CNTN5: variants seen among roughly 807,000 people sequenced by gnomAD.
CNTN5 encodes the protein contactin-5.
A neutral mutation model predicts 129.1 loss-of-function variants in CNTN5; 77 were observed. That is an observed-to-expected ratio of 0.60 (90% CI 0.50 to 0.72). The LOEUF (loss-of-function observed/expected upper bound fraction) is 0.72. Ranked by LOEUF, CNTN5 falls within the 30% of genes least tolerant of loss-of-function variation. The pLI is 0.00. For missense variants in CNTN5, 1,478 were observed against 1,328.8 expected, an observed-to-expected ratio of 1.11 and a Z score of -1.75; for synonymous variants, 509 against 465.6, an observed-to-expected ratio of 1.09 and a Z score of -1.20.
intron 23 of CNTN5, 126 bp downstream of exon 23, chr11:100,341,331 G>C: frequency 1.4e-6 from 1 of 690,396 alleles, no homozygotes; most frequent in Non-Finnish European, 2.5e-6. Flanking sequence ...TTTTCTATCT[G>C]TATCTTAGAA....
intron 3 of CNTN5, among the ~76,000 whole-genome samples, chr11:99,715,341 T>C (rs181678684): frequency 3.3e-5 from 5 of 151,744 alleles, no homozygotes; most frequent in Non-Finnish European, 7.4e-5. Context: ...ACAGAGGCAA[T>C]GGTGAGGCCA....
intron 3 of CNTN5, among the ~76,000 whole-genome samples, chr11:99,776,736 C>T (rs553137691): frequency 7.3e-5 from 11 of 151,164 alleles, no homozygotes; most frequent in African/African-American, 1.5e-4. Context: ...ATGTGGAACA[C>T]GCTTTATTAC....
intron 3 of CNTN5, among the ~76,000 whole-genome samples, chr11:99,620,317 T>C: frequency 6.6e-6 from 1 of 151,044 alleles, no homozygotes; most frequent in East Asian, 2.0e-4. Flanking sequence ...CTCGTCTTTA[T>C]CTCTAAATGT....
chr11:99,552,272 A>C (rs1591267004), intron 2 of CNTN5, among the ~76,000 whole-genome samples: 1 of 147,038 alleles, frequency 6.8e-6, no homozygotes, highest in East Asian at 2.1e-4. Flanking sequence ...ACTTCAGTTT[A>C]TTCAATAATT....
intron 1 of CNTN5, among the ~76,000 whole-genome samples, chr11:99,286,040 G>GAAAAA (rs1555101324): frequency 3.2e-5 from 3 of 93,016 alleles, no homozygotes; most frequent in Middle Eastern, 6.0e-3. Flanking sequence ...TCCATCTGGA[G>GAAAAA]AAAAAAAAAA....
intron 2 of CNTN5, among the ~76,000 whole-genome samples, chr11:99,477,636 A>G (rs892896089): frequency 1.3e-5 from 2 of 151,946 alleles, no homozygotes; most frequent in African/African-American, 4.8e-5. Context: ...TTTAACAAAA[A>G]TAAAAATAAT....
chr11:99,854,812 A>G (rs1947982193), intron 6 of CNTN5, among the ~76,000 whole-genome samples: 1 of 152,186 alleles, frequency 6.6e-6, no homozygotes, highest in Non-Finnish European at 1.5e-5. Flanking sequence ...ATGTTTCACC[A>G]ACGACAATTT....
chr11:99,969,013 G>A (rs569928696), intron 8 of CNTN5, among the ~76,000 whole-genome samples: 4 of 152,024 alleles, frequency 2.6e-5, no homozygotes, highest in African/African-American at 7.2e-5. Context: ...AATTTTGGAC[G>A]ATTTTTGAAT....
At chr11:99,625,926 A>G (rs1192835046) in intron 3 of CNTN5, among the ~76,000 whole-genome samples, 1 of 9,006 alleles carries the variant, frequency 1.1e-4, no homozygotes, top group Non-Finnish European at 2.8e-4. Flanking sequence ...ATATATATAC[A>G]CACACACACA....
At chr11:99,437,020 A>C (rs552409773) in intron 2 of CNTN5, among the ~76,000 whole-genome samples, 30 of 152,278 alleles carry the variant, frequency 2.0e-4, no homozygotes, top group African/African-American at 6.5e-4. Context: ...CCAACTGTCT[A>C]TGTCCAGCTT....
chr11:99,199,246 A>T (rs1859049989), intron 1 of CNTN5, among the ~76,000 whole-genome samples: 1 of 152,188 alleles, frequency 6.6e-6, no homozygotes, highest in African/African-American at 2.4e-5. Flanking sequence ...ACAAAAGACA[A>T]ATGCGACTCA....
intron 2 of CNTN5, among the ~76,000 whole-genome samples, chr11:99,368,481 TA>T (rs561296203): frequency 1.3e-3 from 182 of 143,152 alleles, no homozygotes; most frequent in Middle Eastern, 7.2e-3. Flanking sequence ...TGTCTTAAAT[TA>T]AAAAAAAAAA....
chr11:100,047,687 A>T (rs942782059), intron 9 of CNTN5, among the ~76,000 whole-genome samples: 3 of 152,222 alleles, frequency 2.0e-5, no homozygotes, highest in African/African-American at 7.2e-5. Flanking sequence ...GGATACCCAG[A>T]TAGCTTATAA....
intron 13 of CNTN5, among the ~76,000 whole-genome samples, chr11:100,164,032 GT>G (rs570872056): frequency 7.2e-5 from 11 of 151,794 alleles, no homozygotes; most frequent in Non-Finnish European, 1.3e-4. Context: ...ACAAAGGTGA[GT>G]TTGAAAGATT....
At chr11:99,909,361 T>C (rs2135983951) in intron 6 of CNTN5, among the ~76,000 whole-genome samples, 1 of 152,248 alleles carries the variant, frequency 6.6e-6, no homozygotes, top group African/African-American at 2.4e-5. Context: ...ACACTGTTGG[T>C]GGGACTGTAA....
chr11:99,926,858 C>G (rs961305413), intron 7 of CNTN5, among the ~76,000 whole-genome samples: 48 of 151,906 alleles, frequency 3.2e-4, no homozygotes, highest in African/African-American at 1.2e-3. Flanking sequence ...CCAAATGTGT[C>G]TTTGTTAAAT....
chr11:99,079,164 C>T (rs539587552), intron 1 of CNTN5, among the ~76,000 whole-genome samples: 16 of 152,026 alleles, frequency 1.1e-4, no homozygotes, highest in African/African-American at 3.9e-4. Flanking sequence ...GGCAAATTTC[C>T]ATTTGGATAA....
At chr11:100,093,533 C>G (rs925768126) in intron 13 of CNTN5, among the ~76,000 whole-genome samples, 2 of 152,044 alleles carry the variant, frequency 1.3e-5, no homozygotes, top group Non-Finnish European at 2.9e-5. Context: ...TCCCAAAGTT[C>G]TGGGATTTCA....
chr11:99,842,078 A>G (rs942507851), intron 4 of CNTN5, among the ~76,000 whole-genome samples: 6 of 151,872 alleles, frequency 4.0e-5, no homozygotes, highest in Non-Finnish European at 8.8e-5. Context: ...TATGTTTAGT[A>G]CAGATAGGGT....
Sources: allele counts gnomAD v4.1 joint callset (sites outside exome capture counted in the v4.1 genomes callset), GRCh38; gene constraint gnomAD v4.1.1; transcripts MANE v1.5; gene names NCBI Gene and HGNC (gene_info 2026-07-23, HGNC 2026-07-21).